The following EPYC variants were observed in gnomAD, a reference collection of about 807,000 sequenced individuals.
EPYC encodes epiphycan, also known as dermatan sulfate proteoglycan 3.
EPYC carries 28 observed loss-of-function variants against 30.1 expected under a neutral mutation model. The ratio of observed to expected loss-of-function variants is 0.93; its 90% CI spans 0.69 to 1.28. EPYC has a LOEUF of 1.28. EPYC is among the 50% of genes most tolerant of loss of function. The probability of loss-of-function intolerance (pLI) is 0.00; values close to 1 mark genes in which losing one functional copy is unlikely to be tolerated. For missense variants in EPYC, 382 were observed against 383.5 expected, an observed-to-expected ratio of 1.00 and a Z score of 0.03; for synonymous variants, 144 against 141.4, an observed-to-expected ratio of 1.02 and a Z score of -0.13.
chr12:90,988,606 A>G (rs1012030261), intron 2 of EPYC, among the ~76,000 whole-genome samples: 2 of 152,124 alleles, frequency 1.3e-5, no homozygotes, highest in Non-Finnish European at 2.9e-5. Context: ...TCATCTACAA[A>G]AATGTTAAAA....
At chr12:90,981,218 G>A (rs906328354) in intron 2 of EPYC, among the ~76,000 whole-genome samples, 2 of 152,104 alleles carry the variant, frequency 1.3e-5, no homozygotes, top group African/African-American at 2.4e-5. Context: ...GAAGTACTTA[G>A]GCCTGTGCCA....
At chr12:91,003,666 A>G (rs1304368572) in intron 1 of EPYC, among the ~76,000 whole-genome samples, 2 of 152,102 alleles carry the variant, frequency 1.3e-5, no homozygotes. Context: ...TGAGCAGGCA[A>G]AGTATTGTAA....
At chr12:90,994,977 G>A (rs1877665222) in intron 2 of EPYC, among the ~76,000 whole-genome samples, 1 of 152,044 alleles carries the variant, frequency 6.6e-6, no homozygotes, top group Admixed American at 6.6e-5. Context: ...GACTTCTAAA[G>A]GCGTTAAAAG....
chr12:90,992,675 A>C (rs1877612759), intron 2 of EPYC, among the ~76,000 whole-genome samples: 1 of 152,168 alleles, frequency 6.6e-6, no homozygotes, highest in Admixed American at 6.5e-5. Flanking sequence ...ACTGTGCCAG[A>C]AAACGGAAAG....
chr12:90,964,126 A>G lies in EPYC; in HGVS notation c.*30T>C. On this transcript the variant is annotated 3_prime_UTR_variant, in exon 7 of 7. Transcript: ENST00000261172. ...GCAGTAAGAATGGTTTATTTATAGT[A>G]GCCATCGTAATGCTAACCATTATCT... The G allele has an allele frequency of 6.3e-7, 1 of 1,584,340 alleles. No individual in the cohort carries two copies. The highest frequency in any genetic ancestry group is 8.6e-7 in the Non-Finnish European group (1 of 1,158,430).
At chr12:91,001,795 G>T (rs1484117390) in intron 2 of EPYC, among the ~76,000 whole-genome samples, 1 of 151,924 alleles carries the variant, frequency 6.6e-6, no homozygotes, top group Admixed American at 6.6e-5. Flanking sequence ...TTTCCTTGCT[G>T]ATTGACTTTT....
At chr12:90,981,852 A>G (rs551967163) in intron 2 of EPYC, among the ~76,000 whole-genome samples, 3 of 152,088 alleles carry the variant, frequency 2.0e-5, no homozygotes, top group Non-Finnish European at 4.4e-5. Context: ...TTTTTTTAAT[A>G]TTTTAATTTT....
intron 5 of EPYC, among the ~76,000 whole-genome samples, chr12:90,970,553 T>G (rs1877014091): frequency 6.6e-6 from 1 of 152,164 alleles, no homozygotes; most frequent in Non-Finnish European, 1.5e-5. Flanking sequence ...TCCCCAGCAA[T>G]GGCCTGGTAG....
At chr12:90,965,671 C>T (rs1324290958) in intron 6 of EPYC, among the ~76,000 whole-genome samples, 1 of 151,910 alleles carries the variant, frequency 6.6e-6, no homozygotes, top group African/African-American at 2.4e-5. Context: ...AGTTCAAATA[C>T]TTTAGTGGAT....
intron 2 of EPYC, among the ~76,000 whole-genome samples, chr12:90,993,191 G>A (rs1169154578): frequency 1.3e-5 from 2 of 152,126 alleles, no homozygotes; most frequent in South Asian, 4.1e-4. Context: ...CCCTTTTGGG[G>A]ATAATTGACT....
intron 2 of EPYC, among the ~76,000 whole-genome samples, chr12:90,989,337 A>T (rs1877528046): frequency 6.6e-6 from 1 of 152,030 alleles, no homozygotes; most frequent in Admixed American, 6.6e-5. Flanking sequence ...ATTTCCATTT[A>T]TTTACTGTTA....
In EPYC at chr12:91,002,416, A is replaced by T. The variant is rs1221404904; in HGVS notation, c.150T>A (p.Pro50=). The change falls in exon 2 of 7, where the codon CCT becomes CCA. Residue 50 remains proline (P), a synonymous_variant. Transcript: ENST00000261172. ...LDNLYNYENI[P]VDKVEIEIAT... is the part of the protein sequence containing the mutation. ...GATCGATTACCTCAACTTTATCAAC[A>T]GGTATGTTTTCATAGTTGTACAAAT... 6.2e-7 allele frequency: 1 copy of T among 1,611,748 alleles called. No homozygotes were observed. The highest frequency in any genetic ancestry group is 1.1e-5 in the South Asian group (1 of 90,572).
chr12:90,999,146 C>T (rs1026725761), intron 2 of EPYC, among the ~76,000 whole-genome samples: 1 of 151,952 alleles, frequency 6.6e-6, no homozygotes, highest in Non-Finnish European at 1.5e-5. Context: ...TTCAACTGTG[C>T]CATATAGTAT....
At chr12:90,966,087 C>G (rs1876888142) in intron 6 of EPYC, among the ~76,000 whole-genome samples, 1 of 151,924 alleles carries the variant, frequency 6.6e-6, no homozygotes, top group Non-Finnish European at 1.5e-5. Flanking sequence ...GAAGAATGAC[C>G]TTATTTCCAA....
intron 2 of EPYC, among the ~76,000 whole-genome samples, chr12:90,983,544 C>G (rs1216207784): frequency 6.6e-6 from 1 of 152,116 alleles, no homozygotes; most frequent in African/African-American, 2.4e-5. Flanking sequence ...TACTTCCGGG[C>G]TGAGCTGAGG....
intron 2 of EPYC, among the ~76,000 whole-genome samples, chr12:90,980,867 A>T (rs1051867599): frequency 6.6e-6 from 1 of 152,134 alleles, no homozygotes. Context: ...TCTGTTCATT[A>T]TATTTCCCTA....
chr12:90,964,292 A>G lies in EPYC; in HGVS notation c.833T>C (p.Phe278Ser). Residue 278 changes from phenylalanine to serine, a missense_variant, in exon 7 of 7, where the codon TTC becomes TCC. Phe to Ser is a radical substitution (Grantham distance 155). Coordinates refer to ENST00000261172, the MANE Select transcript of EPYC (RefSeq NM_004950.5). ...NNILEMHEDT[F>S]CNVKNLTYIR... ...ATAAGTCAAATTTTTAACATTGCAG[A>G]ACGTATCTTCGTGCATTTCCAGAAT... is the stretch of plus-strand genomic sequence containing the variant. 1 of 1,610,916 alleles carries G rather than the reference A, an allele frequency of 6.2e-7. No individual in the cohort carries two copies. The highest frequency in any genetic ancestry group is 1.1e-5 in the South Asian group (1 of 90,626).
intron 2 of EPYC, among the ~76,000 whole-genome samples, chr12:91,001,838 A>G (rs544009812): frequency 1.3e-5 from 2 of 152,144 alleles, no homozygotes; most frequent in African/African-American, 4.8e-5. Flanking sequence ...TCACAGAAAT[A>G]CATTTTTATG....
rs756139957 is a variant in EPYC, at chr12:90,978,129, T to C, written c.299A>G (p.Glu100Gly). 5 of 1,600,156 alleles carry C rather than the reference T, an allele frequency of 3.1e-6. No homozygotes were observed. In the Admixed American group the frequency reaches 7.0e-5, roughly 22 times the overall value. ...CCCCAGAACCCCTGTGAATTCAGGCTCCTGGGGAGAAGAGCCATCAATCAG... is the reference window on the plus strand; with the variant it reads ...CCCCAGAACCCCTGTGAATTCAGGCCCCTGGGGAGAAGAGCCATCAATCAG... ...PRLIDGSSPQEPEFTGVLGPH... is the reference protein window; with the variant it reads ...PRLIDGSSPQGPEFTGVLGPH... Residue 100 changes from glutamate (E) to glycine (G), a missense_variant, in exon 3 of 7, where the codon GAG becomes GGG. Transcript: ENST00000261172.
Sources: allele counts gnomAD v4.1 joint callset (sites outside exome capture counted in the v4.1 genomes callset), GRCh38; gene constraint gnomAD v4.1.1; transcripts MANE v1.5; gene names NCBI Gene and HGNC (gene_info 2026-07-23, HGNC 2026-07-21).